Variants in ASH1L observed in about 807,000 individuals in gnomAD.
The protein encoded by ASH1L is ASH1 like histone lysine methyltransferase.
A neutral mutation model predicts 269.0 loss-of-function variants in ASH1L; 23 were observed. That is an observed-to-expected ratio of 0.09 (90% CI 0.06 to 0.12). The LOEUF (loss-of-function observed/expected upper bound fraction) is 0.12, where lower values mean the gene tolerates loss of function less well. Among genes scored for constraint, ASH1L ranks in the 10% least tolerant of loss-of-function variants. The probability of loss-of-function intolerance (pLI) is 1.00; values close to 1 mark genes in which losing one functional copy is unlikely to be tolerated. For missense variants in ASH1L, 2,912 were observed against 3,567.8 expected (o/e 0.82, Z 4.68); for synonymous variants, 1,187 against 1,253.5 (o/e 0.95, Z 1.12).
At chr1:155,475,378 T>C (rs917308560) in intron 3 of ASH1L, among the ~76,000 whole-genome samples, 4 of 152,090 alleles carry the variant, frequency 2.6e-5, no homozygotes, top group Non-Finnish European at 5.9e-5. Flanking sequence ...TCAAGTGATC[T>C]GGCCACCTCA....
intron 1 of ASH1L, among the ~76,000 whole-genome samples, chr1:155,558,873 A>G (rs541135779): frequency 7.1e-6 from 1 of 141,630 alleles, no homozygotes; most frequent in East Asian, 2.0e-4. Context: ...TTTTTGAGAG[A>G]GTCACTCTGT....
rs11442413 is a variant in ASH1L, at chr1:155,421,317, GTTT to G, written c.5829-5397_5829-5395del. Among the ~76,000 whole-genome samples the G allele has an allele frequency of 4.7e-3, 402 of 85,870 alleles. 2 individuals carry two copies. Among genetic ancestry groups the G allele is most frequent in the African/African-American group, 0.016 (366 of 23,496 alleles). 56.3% of individuals were successfully genotyped at this position (85,870 alleles called of 152,430 possible). On this transcript the variant is annotated intron_variant, in intron 5 of 27. Coordinates refer to ENST00000392403, the MANE Select transcript of ASH1L (RefSeq NM_018489.3). Reference sequence around the variant, plus strand: ...TCTAACACAATCTCAAGTACCAACAGTTTTTTTTTTTTTTTTTTTTTTTGAGAA... The same window carrying G: ...TCTAACACAATCTCAAGTACCAACAGTTTTTTTTTTTTTTTTTTTTGAGAA...
Position 155,343,235 on chromosome 1 carries a change from C to A in ASH1L, c.8293+79G>T. ...GGCTTAAGCAATCTGCCTGCCTCGG[C>A]CTCCCACACCGCTGGGATTATCAGC... On this transcript the variant is annotated intron_variant, in intron 24 of 27. Coordinates refer to ENST00000392403, the MANE Select transcript of ASH1L (RefSeq NM_018489.3). This position sits in a 1 kb window ranked among gnomAD's most constrained non-coding sequence, Gnocchi z 6.1. 1.3e-6 allele frequency: 2 copies of A among 1,491,852 alleles called. No individual in the cohort carries two copies. The highest frequency in any genetic ancestry group is 1.8e-6 in the Non-Finnish European group (2 of 1,102,704). 92.4% of individuals were successfully genotyped at this position (1,491,852 alleles called of 1,614,324 possible).
chr1:155,524,976 G>A (rs191184110), intron 1 of ASH1L, among the ~76,000 whole-genome samples: 12 of 152,120 alleles, frequency 7.9e-5, no homozygotes, highest in Admixed American at 4.6e-4. Context: ...GCCTGGGCAC[G>A]GTGGCTCACG....
intron 2 of ASH1L, among the ~76,000 whole-genome samples, chr1:155,510,461 G>T (rs1668098476): frequency 6.6e-6 from 1 of 150,766 alleles, no homozygotes; most frequent in Admixed American, 6.6e-5. Flanking sequence ...ATTTCCAAGG[G>T]CTAAAGAAGT....
At chr1:155,540,840 T>C (rs1247903540) in intron 1 of ASH1L, among the ~76,000 whole-genome samples, 1 of 152,162 alleles carries the variant, frequency 6.6e-6, no homozygotes, top group Non-Finnish European at 1.5e-5. Flanking sequence ...TTTGAAGCAC[T>C]TTTCAGTTCC....
chr1:155,490,656 T>TACACACACA (rs1558161614), intron 2 of ASH1L, among the ~76,000 whole-genome samples: 2 of 126,920 alleles, frequency 1.6e-5, no homozygotes, highest in Non-Finnish European at 3.4e-5. Flanking sequence ...ACACACACAC[T>TACACACACA]CTCTCTCTCT....
chr1:155,556,876 A>C (rs1255121921), intron 1 of ASH1L, among the ~76,000 whole-genome samples: 1 of 152,154 alleles, frequency 6.6e-6, no homozygotes, highest in Non-Finnish European at 1.5e-5. Context: ...CTCCATCGCT[A>C]CAAAAAAATT....
chr1:155,443,979 CTTTT>C (rs60206113), intron 4 of ASH1L, among the ~76,000 whole-genome samples: 9 of 105,750 alleles, frequency 8.5e-5, no homozygotes, highest in African/African-American at 3.6e-4. Context: ...ATTACTAAAT[CTTTT>C]TTTTTTTTTT....
intron 8 of ASH1L, 146 bp downstream of exon 8, chr1:155,379,897 A>G (rs941487350): frequency 2.2e-5 from 12 of 542,690 alleles, no homozygotes; most frequent in African/African-American, 1.9e-4. Context: ...ATGCAAATTC[A>G]TTTTTCTTAG....
chr1:155,538,392 C>G (rs183207234), intron 1 of ASH1L, among the ~76,000 whole-genome samples: 1 of 151,488 alleles, frequency 6.6e-6, no homozygotes, highest in Non-Finnish European at 1.5e-5. Context: ...GAGTCTCACT[C>G]TGTCACCCAG....
chr1:155,533,492 T>A (rs1669828715), intron 1 of ASH1L, among the ~76,000 whole-genome samples: 1 of 151,354 alleles, frequency 6.6e-6, no homozygotes. Context: ...GGCGGGTGGA[T>A]CATGAGGTCA....
intron 3 of ASH1L, among the ~76,000 whole-genome samples, 199 bp from the exon 4 acceptor site, chr1:155,460,097 T>G (rs1449573899): frequency 1.3e-5 from 2 of 152,200 alleles, no homozygotes; most frequent in Admixed American, 6.5e-5. Context: ...ATTTCACAGA[T>G]CTTATATACA....
At chr1:155,357,289 A>C in intron 15 of ASH1L, 27 bp downstream of exon 15, 1 of 1,561,062 alleles carries the variant, frequency 6.4e-7, no homozygotes, top group Non-Finnish European at 8.8e-7. Context: ...CTTACAAAGA[A>C]CATGGATAAG....
intron 1 of ASH1L, among the ~76,000 whole-genome samples, chr1:155,539,196 GGA>G (rs1670257718): frequency 1.3e-5 from 2 of 151,660 alleles, no homozygotes; most frequent in South Asian, 4.2e-4. Flanking sequence ...CACCCAGGCT[GGA>G]GTGCAGTGGC....
At chr1:155,462,203 G>A (rs551217538) in intron 3 of ASH1L, among the ~76,000 whole-genome samples, 1 of 152,268 alleles carries the variant, frequency 6.6e-6, no homozygotes, top group Admixed American at 6.5e-5. Context: ...TGTGAAGGTA[G>A]GGGGAAGACT....
At chr1:155,473,038 T>G (rs889445866) in intron 3 of ASH1L, among the ~76,000 whole-genome samples, 1 of 152,200 alleles carries the variant, frequency 6.6e-6, no homozygotes, top group African/African-American at 2.4e-5. Flanking sequence ...TTCTATATAG[T>G]TAAATAGCTC....
At chr1:155,499,857 A>C (rs1454605919) in intron 2 of ASH1L, among the ~76,000 whole-genome samples, 3 of 151,800 alleles carry the variant, frequency 2.0e-5, no homozygotes. Context: ...TTTTTTTTCC[A>C]TTAGCAAGAT....
chr1:155,441,436 A>G (rs1662555223), intron 4 of ASH1L, among the ~76,000 whole-genome samples: 1 of 141,266 alleles, frequency 7.1e-6, no homozygotes, highest in Non-Finnish European at 1.5e-5. Flanking sequence ...CAACCACCAG[A>G]TATTTGAATA....
Sources: allele counts gnomAD v4.1 joint callset (sites outside exome capture counted in the v4.1 genomes callset), GRCh38; gene constraint gnomAD v4.1.1; non-coding constraint Gnocchi (gnomAD v3.1); transcripts MANE v1.5; gene names NCBI Gene and HGNC (gene_info 2026-07-23, HGNC 2026-07-21).